C1orf87: variants seen among roughly 807,000 people sequenced by gnomAD.
The protein encoded by C1orf87 is uncharacterized protein C1orf87.
C1orf87 carries 58 observed loss-of-function variants against 60.5 expected under a neutral mutation model. That is an observed-to-expected ratio of 0.96 (90% CI 0.78 to 1.19). The LOEUF is 1.19. Among genes scored for constraint, C1orf87 ranks in the 50% most tolerant of loss-of-function variants. The pLI is 0.00. For synonymous variants in C1orf87, 236 were observed against 227.4 expected (o/e 1.04, Z -0.34); for missense variants, 673 against 638.6 (o/e 1.05, Z -0.58).
Position 59,997,712 on chromosome 1 carries a change from G to A in C1orf87, c.1377C>T (p.Phe459=), listed in dbSNP as rs368478097. ...PLKIRPVSQP[F]VNPAVKNKAE... is the part of the protein sequence containing the mutation. Reference sequence around the variant, plus strand: ...CCTTGTTCTTCACAGCTGGATTCACGAAGGGCTGGGAGACTGGCCTGATCT... The same window carrying A: ...CCTTGTTCTTCACAGCTGGATTCACAAAGGGCTGGGAGACTGGCCTGATCT... The change falls in exon 11 of 12, where the codon TTC becomes TTT. Residue 459 remains phenylalanine (F), a synonymous_variant. Coordinates refer to ENST00000371201, the MANE Select transcript of C1orf87 (RefSeq NM_152377.3). The A allele has an allele frequency of 2.9e-5, 47 of 1,613,796 alleles. No homozygotes were observed. The highest frequency in any genetic ancestry group is 3.7e-5 in the Non-Finnish European group (44 of 1,179,904).
chr1:60,060,089 TC>T (rs1645484771), intron 2 of C1orf87, among the ~76,000 whole-genome samples: 1 of 125,326 alleles, frequency 8.0e-6, no homozygotes, highest in Non-Finnish European at 1.8e-5. Context: ...TGTTTCTTTT[TC>T]TTTTTTTTTT....
At chr1:60,008,889 C>G (rs796610568) in intron 9 of C1orf87, 1 of 347,710 alleles carries the variant, frequency 2.9e-6, no homozygotes, top group East Asian at 7.9e-5. Context: ...CTTGGCATTT[C>G]CGTGGAGACC....
At chr1:60,066,763 G>T (rs938164350) in intron 2 of C1orf87, among the ~76,000 whole-genome samples, 14 of 151,890 alleles carry the variant, frequency 9.2e-5, no homozygotes, top group Non-Finnish European at 1.3e-4. Flanking sequence ...TGCCATGGTG[G>T]TTTGCTGCAC....
rs114035967 is a variant in C1orf87 at position 59,990,819 on chromosome 1, C to A, written c.1495G>T (p.Glu499Ter). ...TTGTGAATGAGGCGTCTGGCTCGTT[C>A]CTTCTCCAGAACTCCTGTGATTGGA... ...DLSNTGVLEKERARRLIHNYN... is the reference protein window; with the variant it reads ...DLSNTGVLEK The change falls in exon 12 of 12, where the codon GAA becomes TAA. Residue 499 changes from glutamate (E) to a stop codon, truncating the protein, a stop_gained. Coordinates refer to ENST00000371201, the MANE Select transcript of C1orf87 (RefSeq NM_152377.3). LOFTEE classifies it high-confidence loss of function. 1,238 of 1,613,878 alleles carry A rather than the reference C, an allele frequency of 7.7e-4. 9 individuals are homozygous for A. In the African/African-American group the frequency reaches 0.015, roughly 19 times the overall value.
At position 60,037,992 on chromosome 1, in the gene C1orf87, C is replaced by A. The variant is rs1237351466; in HGVS notation, c.863G>T (p.Ser288Ile). ...CCCTCACAAAAAGGGAGAAGAGTACCTTTGGCTATGAGTGCCATGACTCTC... is the reference window on the plus strand; with the variant it reads ...CCCTCACAAAAAGGGAGAAGAGTACATTTGGCTATGAGTGCCATGACTCTC... ...KTESHGTHSQ[S>I]TPPQHSSSQP... Residue 288 changes from serine to isoleucine, a missense_variant and splice_region_variant, in exon 6 of 12, where the codon AGC becomes ATC. Physicochemically the swap from Ser to Ile is moderately radical, Grantham distance 142. Coordinates refer to ENST00000371201, the MANE Select transcript of C1orf87 (RefSeq NM_152377.3). 1 of 1,601,254 alleles carries A rather than the reference C, an allele frequency of 6.2e-7. No homozygotes were observed. Among genetic ancestry groups the A allele is most frequent in the South Asian group, 1.1e-5 (1 of 90,002 alleles).
At chr1:60,019,479 GT>G (rs1645147444) in intron 8 of C1orf87, among the ~76,000 whole-genome samples, 1 of 152,188 alleles carries the variant, frequency 6.6e-6, no homozygotes, top group Admixed American at 6.5e-5. Flanking sequence ...TACCAGGAGA[GT>G]GGGGCACTGC....
intron 8 of C1orf87, among the ~76,000 whole-genome samples, chr1:60,024,473 C>T (rs554276408): frequency 3.9e-4 from 59 of 152,152 alleles, no homozygotes; most frequent in Non-Finnish European, 6.3e-4. Context: ...ATGTTTCTAC[C>T]TCTTTCTTTT....
intron 11 of C1orf87, among the ~76,000 whole-genome samples, chr1:59,993,414 A>C (rs1238184925): frequency 6.6e-6 from 1 of 152,134 alleles, no homozygotes; most frequent in Admixed American, 6.5e-5. Flanking sequence ...AATTATAATA[A>C]TTATGTCATC....
At position 60,010,669 on chromosome 1, in the gene C1orf87, A is replaced by G. The variant is rs529622732; in HGVS notation, c.1128-213T>C. ...TTATTGCAAAGCCATTAGAACAGAAAGTTCTAAGTCTAGGGTCAGGCCTCA... is the reference window on the plus strand; with the variant it reads ...TTATTGCAAAGCCATTAGAACAGAAGGTTCTAAGTCTAGGGTCAGGCCTCA... On this transcript the variant is annotated intron_variant, in intron 8 of 11. Transcript: ENST00000371201. 2.0e-5 allele frequency among the ~76,000 whole-genome samples: 3 copies of G among 152,108 alleles called. No individual in the cohort carries two copies. The South Asian group carries it at 6.2e-4, about 32-fold the overall frequency.
chr1:60,030,196 T>C (rs1645227811), intron 7 of C1orf87, among the ~76,000 whole-genome samples: 1 of 152,280 alleles, frequency 6.6e-6, no homozygotes, highest in Admixed American at 6.5e-5. Flanking sequence ...CCAGAACATA[T>C]TGAGTGATTA....
In C1orf87 at chr1:60,040,063, C is replaced by T. The variant is rs1173746007; in HGVS notation, c.601G>A (p.Glu201Lys). The T allele has an allele frequency of 3.1e-6, 5 of 1,614,086 alleles. No individual in the cohort carries two copies. Among genetic ancestry groups the T allele is most frequent in the Non-Finnish European group, 4.2e-6 (5 of 1,180,026 alleles). ...SSNLLEKLQK[E>K]LKILDPISSG... ...GAGATTGGGTCCAGGATCTTCAGCT[C>T]TTTCTGAAGCTTTTCTAATAAGTTG... is the stretch of plus-strand genomic sequence containing the variant. Residue 201 changes from glutamate to lysine, a missense_variant, in exon 5 of 12, where the codon GAG becomes AAG. Physicochemically the swap from Glu to Lys is moderately conservative, Grantham distance 56. Coordinates refer to ENST00000371201, the MANE Select transcript of C1orf87 (RefSeq NM_152377.3).
intron 8 of C1orf87, among the ~76,000 whole-genome samples, chr1:60,020,184 G>T (rs986136250): frequency 2.6e-5 from 4 of 152,166 alleles, no homozygotes; most frequent in Non-Finnish European, 4.4e-5. Context: ...GCCCAGGCTG[G>T]GCTTGAGGCT....
intron 2 of C1orf87, among the ~76,000 whole-genome samples, chr1:60,062,566 T>C (rs567339027): frequency 6.6e-6 from 1 of 152,332 alleles, no homozygotes; most frequent in South Asian, 2.1e-4. Flanking sequence ...CTGTTTACAT[T>C]TCTTTTATTA....
chr1:60,043,275 G>C (rs1162933797), intron 3 of C1orf87, among the ~76,000 whole-genome samples: 1 of 152,164 alleles, frequency 6.6e-6, no homozygotes, highest in Non-Finnish European at 1.5e-5. Flanking sequence ...GCAATGACTA[G>C]AGCAGACTTG....
intron 6 of C1orf87, among the ~76,000 whole-genome samples, chr1:60,037,102 ACT>A (rs1409850879): frequency 1.3e-5 from 2 of 152,138 alleles, no homozygotes; most frequent in Admixed American, 6.5e-5. Context: ...GAGAGAGAAA[ACT>A]CTGAGCACAA....
intron 4 of C1orf87, among the ~76,000 whole-genome samples, chr1:60,040,742 C>T (rs996473010): frequency 5.3e-5 from 8 of 149,700 alleles, no homozygotes; most frequent in African/African-American, 2.0e-4. Context: ...TGTCTATTCT[C>T]AGACTGTCTT....
chr1:60,069,509 C>A (rs986175264), intron 2 of C1orf87, among the ~76,000 whole-genome samples: 3 of 152,110 alleles, frequency 2.0e-5, no homozygotes, highest in African/African-American at 7.2e-5. Flanking sequence ...TAAGGGGAAA[C>A]CTGTTTCACT....
intron 2 of C1orf87, among the ~76,000 whole-genome samples, chr1:60,059,388 T>G (rs1278813198): frequency 2.0e-5 from 3 of 152,148 alleles, no homozygotes; most frequent in Non-Finnish European, 2.9e-5. Context: ...GTGAAGAGTT[T>G]AGTGTCATCC....
chr1:60,025,650 G>A, intron 7 of C1orf87, 152 bp from the exon 8 acceptor site: 1 of 606,732 alleles, frequency 1.6e-6, no homozygotes. Flanking sequence ...CTACCATTGA[G>A]GTATCCTTCA....
Sources: gnomAD v4.1 joint callset for allele counts (sites outside exome capture counted in the v4.1 genomes callset) on GRCh38, gnomAD v4.1.1 for gene constraint, MANE v1.5 for transcripts, NCBI Gene and HGNC (gene_info 2026-07-23, HGNC 2026-07-21) for gene names.